The following GRID1 variants were observed in gnomAD, a reference collection of about 807,000 sequenced individuals.
The protein encoded by GRID1 is glutamate ionotropic receptor delta type subunit 1.
A neutral mutation model predicts 98.0 loss-of-function variants in GRID1; 28 were observed. The observed-to-expected ratio is 0.29, with a 90% CI of 0.21 to 0.39. The LOEUF (loss-of-function observed/expected upper bound fraction) is 0.39, where lower values mean the gene tolerates loss of function less well. GRID1 is among the 10% of genes least tolerant of loss of function. The pLI, the probability that GRID1 is intolerant of heterozygous loss-of-function variation, is 1.00. For synonymous variants in GRID1, 553 were observed against 538.5 expected, an observed-to-expected ratio of 1.03 and a Z score of -0.37; for missense variants, 1,111 against 1,340.5, an observed-to-expected ratio of 0.83 and a Z score of 2.67.
intron 3 of GRID1, among the ~76,000 whole-genome samples, chr10:86,165,802 GGGCAAGACGGCGCTGTGAGTGGCT>G (rs1367103196): frequency 6.6e-6 from 1 of 152,100 alleles, no homozygotes; most frequent in African/African-American, 2.4e-5. Context: ...CTTCTGTTTA[GGGCAAGACGGCGCTGTGAGTGGCT>G]GGCAGGAACC....
At chr10:85,941,847 G>A (rs914082940) in intron 4 of GRID1, among the ~76,000 whole-genome samples, 1 of 152,328 alleles carries the variant, frequency 6.6e-6, no homozygotes, top group South Asian at 2.1e-4. Context: ...AATGGAAAGT[G>A]AGATCAGGCA....
chr10:86,030,479 C>T (rs975544398), intron 4 of GRID1, among the ~76,000 whole-genome samples: 3 of 152,224 alleles, frequency 2.0e-5, no homozygotes, highest in Non-Finnish European at 4.4e-5. Flanking sequence ...TACTACCCAT[C>T]AGAATGGTTG....
At chr10:86,157,309 C>A (rs537023596) in intron 3 of GRID1, among the ~76,000 whole-genome samples, 1 of 152,230 alleles carries the variant, frequency 6.6e-6, no homozygotes, top group African/African-American at 2.4e-5. Flanking sequence ...TGAATGTTGG[C>A]CCAGGAAGAG....
intron 4 of GRID1, among the ~76,000 whole-genome samples, chr10:85,921,813 C>T (rs1459758675): frequency 2.6e-5 from 4 of 152,184 alleles, no homozygotes; most frequent in African/African-American, 9.7e-5. Context: ...GTGTCCTTGG[C>T]TTTTCACTCA....
chr10:86,249,050 G>A (rs970434278), intron 2 of GRID1, among the ~76,000 whole-genome samples: 4 of 151,622 alleles, frequency 2.6e-5, no homozygotes, highest in African/African-American at 9.7e-5. Flanking sequence ...CTGCCAGGGG[G>A]CCGAGATCAG....
intron 4 of GRID1, among the ~76,000 whole-genome samples, chr10:86,116,770 T>A (rs1844588207): frequency 6.6e-6 from 1 of 151,574 alleles, no homozygotes; most frequent in African/African-American, 2.4e-5. Context: ...GGCCAGGGGC[T>A]AAGGCTCACC....
chr10:85,602,355 G>A lies in GRID1; in HGVS notation c.2948C>T (p.Thr983Ile). 1 of 1,593,538 alleles carries A rather than the reference G, an allele frequency of 6.3e-7. No individual in the cohort carries two copies. Among genetic ancestry groups the A allele is most frequent in the Non-Finnish European group, 8.6e-7 (1 of 1,167,514 alleles). The change falls in exon 16 of 16, where the codon ACC becomes ATC. Residue 983 changes from threonine (T) to isoleucine (I), a missense_variant. Around this residue, in one of 3 missense-constraint regions of GRID1, gnomAD observed 762 missense variants for 869.1 expected, o/e 0.88. Transcript: ENST00000327946. Reference sequence around the variant, plus strand: ...GGGCTGGAAGGACATGGGGATGGGGGTCTTCACCGGGCTCTGCCGGAACAG... The same window carrying A: ...GGGCTGGAAGGACATGGGGATGGGGATCTTCACCGGGCTCTGCCGGAACAG... ...GGLFRQSPVK[T>I]PIPMSFQPVP... is the part of the protein sequence containing the mutation.
chr10:85,847,027 A>G (rs568385653), intron 8 of GRID1, among the ~76,000 whole-genome samples: 1 of 152,360 alleles, frequency 6.6e-6, no homozygotes, highest in Non-Finnish European at 1.5e-5. Context: ...CACAAGCTGA[A>G]CACAAGCATC....
At chr10:85,924,272 T>C (rs1052038355) in intron 4 of GRID1, among the ~76,000 whole-genome samples, 14 of 152,214 alleles carry the variant, frequency 9.2e-5, no homozygotes, top group Non-Finnish European at 1.9e-4. Flanking sequence ...ATGGAACTAG[T>C]GTCCTCACTT....
chr10:85,888,245 G>A (rs1281306656), intron 5 of GRID1, among the ~76,000 whole-genome samples: 2 of 152,186 alleles, frequency 1.3e-5, no homozygotes, highest in African/African-American at 4.8e-5. Flanking sequence ...CATTCAGCTA[G>A]CAGAGCTGCC....
At chr10:85,619,127 T>C (rs978821892) in intron 14 of GRID1, among the ~76,000 whole-genome samples, 1 of 152,154 alleles carries the variant, frequency 6.6e-6, no homozygotes, top group South Asian at 2.1e-4. Flanking sequence ...TTCACAGATA[T>C]GTGCAAGAAG....
intron 8 of GRID1, among the ~76,000 whole-genome samples, chr10:85,831,341 A>C (rs1842865706): frequency 6.6e-6 from 1 of 152,142 alleles, no homozygotes; most frequent in Admixed American, 6.5e-5. Context: ...TACTATGCTA[A>C]TTACCTGGGT....
rs140144576 is a variant in GRID1 at position 85,634,998 on chromosome 10, G to GAAAAAAAAAAAAAAAAAAAAA, written c.2193+12183_2193+12203dup. ...GCAAATTACAGGGCAGAGGAAATCT[G>GAAAAAAAAAAAAAAAAAAAAA]AAAAAAAAAAAAAAAAAAAAAAAAA... On this transcript the variant is annotated intron_variant, in intron 13 of 15. Coordinates refer to ENST00000327946, the MANE Select transcript of GRID1 (RefSeq NM_017551.3). Among the ~76,000 whole-genome samples, 3 of 35,010 alleles carry GAAAAAAAAAAAAAAAAAAAAA rather than the reference G, an allele frequency of 8.6e-5. 1 individual carries two copies. Among genetic ancestry groups the GAAAAAAAAAAAAAAAAAAAAA allele is most frequent in the African/African-American group, 2.7e-4 (3 of 10,946 alleles). The allele number at this position is 35,010 out of a possible 152,430, so 23.0% of individuals were successfully genotyped here.
chr10:85,798,180 A>G (rs1298050500), intron 8 of GRID1, among the ~76,000 whole-genome samples: 1 of 152,250 alleles, frequency 6.6e-6, no homozygotes, highest in Non-Finnish European at 1.5e-5. Context: ...CTTAACAATC[A>G]CAATAAATAT....
chr10:85,968,450 C>CAAAAAAAAAAAAAAAAAAAAAAA (rs56938729), intron 4 of GRID1, among the ~76,000 whole-genome samples: 1 of 102,446 alleles, frequency 9.8e-6, no homozygotes, highest in African/African-American at 3.7e-5. Flanking sequence ...GACTCTGTCT[C>CAAAAAAAAAAAAAAAAAAAAAAA]AAAAAAAAAA....
intron 12 of GRID1, among the ~76,000 whole-genome samples, chr10:85,675,647 A>C (rs550516353): frequency 2.7e-4 from 41 of 152,300 alleles, no homozygotes; most frequent in African/African-American, 9.6e-4. Flanking sequence ...TCTCAAACAG[A>C]GGGAGATCAT....
intron 3 of GRID1, among the ~76,000 whole-genome samples, chr10:86,145,974 A>G (rs950712499): frequency 6.6e-6 from 1 of 152,306 alleles, no homozygotes; most frequent in South Asian, 2.1e-4. Flanking sequence ...TTCAAAATCT[A>G]AGGTTATAAT....
intron 2 of GRID1, among the ~76,000 whole-genome samples, chr10:86,285,209 C>T (rs573683563): frequency 1.3e-5 from 2 of 152,184 alleles, no homozygotes; most frequent in Non-Finnish European, 2.9e-5. Context: ...CTATGAGGCC[C>T]TGCTTCCCCT....
intron 5 of GRID1, among the ~76,000 whole-genome samples, chr10:85,882,372 C>G (rs1442305902): frequency 6.6e-6 from 1 of 152,070 alleles, no homozygotes; most frequent in Non-Finnish European, 1.5e-5. Flanking sequence ...TGGAACCAAC[C>G]CAAATGTCCA....
Sources: allele counts gnomAD v4.1 joint callset (sites outside exome capture counted in the v4.1 genomes callset), GRCh38; gene constraint gnomAD v4.1.1; regional missense constraint gnomAD v4.1.1; transcripts MANE v1.5; gene names NCBI Gene and HGNC (gene_info 2026-07-23, HGNC 2026-07-21).